MAGI2: variants seen among roughly 807,000 people sequenced by gnomAD.
MAGI2 encodes the protein membrane-associated guanylate kinase, WW and PDZ domain-containing protein 2.
In MAGI2, 35 loss-of-function variants were observed where a neutral mutation model predicts 133.3. The observed-to-expected ratio is 0.26, with a 90% CI of 0.20 to 0.35. The LOEUF is 0.35. Among genes scored for constraint, MAGI2 ranks in the 10% least tolerant of loss-of-function variants. The pLI, the probability that MAGI2 is intolerant of heterozygous loss-of-function variation, is 1.00. For synonymous variants in MAGI2, 729 were observed against 710.6 expected (o/e 1.03, Z -0.41); for missense variants, 1,636 against 1,863.4 (o/e 0.88, Z 2.25).
intron 1 of MAGI2, among the ~76,000 whole-genome samples, chr7:79,396,729 CA>C (rs1190021191): frequency 6.6e-6 from 1 of 152,074 alleles, no homozygotes; most frequent in African/African-American, 2.4e-5. Flanking sequence ...AATTCATGGG[CA>C]GACTGTGGAA....
chr7:78,072,151 G>T (rs1455890491), intron 21 of MAGI2, among the ~76,000 whole-genome samples: 1 of 152,190 alleles, frequency 6.6e-6, no homozygotes, highest in Non-Finnish European at 1.5e-5. Context: ...TTCAGACAAG[G>T]TCTCAGTAGA....
At chr7:79,215,224 A>C (rs957748151) in intron 1 of MAGI2, among the ~76,000 whole-genome samples, 11 of 152,004 alleles carry the variant, frequency 7.2e-5, no homozygotes, top group African/African-American at 2.7e-4. Flanking sequence ...TTGCAGCAAT[A>C]AGATACATCA....
chr7:78,719,776 C>G (rs1435987643), intron 2 of MAGI2, among the ~76,000 whole-genome samples: 2 of 152,166 alleles, frequency 1.3e-5, no homozygotes, highest in Non-Finnish European at 1.5e-5. Flanking sequence ...GACTTACTCT[C>G]CAAACATACC....
rs531335737 is a variant in MAGI2, at chr7:78,897,431, C to A, written c.418+109659G>T. ...CAACAGTGTCAGAGGCAGTGGTGTG[C>A]TAGAGTCAGCTGAAAATGGCTTTCA... On this transcript the variant is annotated intron_variant, in intron 2 of 21. Transcript: ENST00000354212. Among the ~76,000 whole-genome samples, 4 of 152,214 alleles carry A rather than the reference C, an allele frequency of 2.6e-5. No homozygotes were observed. The East Asian group carries it at 7.7e-4, about 29-fold the overall frequency.
chr7:78,126,931 G>A (rs1345637786), intron 19 of MAGI2, among the ~76,000 whole-genome samples: 1 of 152,134 alleles, frequency 6.6e-6, no homozygotes, highest in Admixed American at 6.5e-5. Flanking sequence ...TATTAGCAGG[G>A]ATTAGTTTAT....
chr7:79,085,540 TA>T (rs1351272830), intron 1 of MAGI2, among the ~76,000 whole-genome samples: 14 of 151,938 alleles, frequency 9.2e-5, no homozygotes, highest in African/African-American at 3.1e-4. Flanking sequence ...CATGCTTTCC[TA>T]TTTTTTTGCA....
chr7:78,769,819 C>T (rs1026258046), intron 2 of MAGI2, among the ~76,000 whole-genome samples: 5 of 152,160 alleles, frequency 3.3e-5, no homozygotes, highest in African/African-American at 1.2e-4. Flanking sequence ...CTCCGAGCAT[C>T]TTCTTGTTAT....
chr7:78,735,351 G>A (rs1196632131), intron 2 of MAGI2, among the ~76,000 whole-genome samples: 14 of 152,118 alleles, frequency 9.2e-5, no homozygotes, highest in Admixed American at 9.2e-4. Context: ...CTTCCCAGAA[G>A]TTTTATGTCC....
chr7:79,171,392 T>C (rs1377728037), intron 1 of MAGI2, among the ~76,000 whole-genome samples: 2 of 152,020 alleles, frequency 1.3e-5, no homozygotes, highest in African/African-American at 2.4e-5. Flanking sequence ...TAACTCATCT[T>C]AAATAATTAT....
intron 16 of MAGI2, among the ~76,000 whole-genome samples, chr7:78,155,001 T>C (rs978360466): frequency 6.6e-6 from 1 of 152,200 alleles, no homozygotes; most frequent in African/African-American, 2.4e-5. Context: ...TGAAAACAGT[T>C]AGTCAATGGC....
At chr7:79,208,360 C>A (rs1406434275) in intron 1 of MAGI2, among the ~76,000 whole-genome samples, 1 of 151,570 alleles carries the variant, frequency 6.6e-6, no homozygotes, top group African/African-American at 2.4e-5. Context: ...AAACAAAAAA[C>A]CAATTACAGA....
At chr7:79,436,693 A>G (rs577289486) in intron 1 of MAGI2, among the ~76,000 whole-genome samples, 1 of 152,306 alleles carries the variant, frequency 6.6e-6, no homozygotes, top group East Asian at 1.9e-4. Context: ...AAGTCAAAAA[A>G]TAACAGATGC....
chr7:78,776,734 C>T (rs907776859), intron 2 of MAGI2, among the ~76,000 whole-genome samples: 13 of 152,158 alleles, frequency 8.5e-5, no homozygotes, highest in Non-Finnish European at 1.6e-4. Flanking sequence ...AATACTACAT[C>T]TTATCTGACA....
At chr7:78,867,780 CTG>C (rs1220058284) in intron 2 of MAGI2, among the ~76,000 whole-genome samples, 1 of 152,008 alleles carries the variant, frequency 6.6e-6, no homozygotes, top group Non-Finnish European at 1.5e-5. Context: ...CAACAATAGA[CTG>C]TAACATAAGA....
At chr7:78,509,809 GAC>G (rs2150552802) in intron 4 of MAGI2, among the ~76,000 whole-genome samples, 1 of 152,270 alleles carries the variant, frequency 6.6e-6, no homozygotes, top group South Asian at 2.1e-4. Flanking sequence ...ATTTTCATGT[GAC>G]ACAGTCTATG....
chr7:78,859,596 T>C (rs1283647053), intron 2 of MAGI2, among the ~76,000 whole-genome samples: 2 of 152,256 alleles, frequency 1.3e-5, no homozygotes, highest in Non-Finnish European at 2.9e-5. Context: ...GTAGAGTTTC[T>C]GCTGAGAGAT....
intron 1 of MAGI2, among the ~76,000 whole-genome samples, chr7:79,127,970 T>C (rs574935590): frequency 4.6e-5 from 7 of 152,156 alleles, no homozygotes; most frequent in Non-Finnish European, 1.0e-4. Flanking sequence ...TTGAATTAAT[T>C]TTTGTATAAG....
chr7:79,303,810 T>C (rs1389109776), intron 1 of MAGI2, among the ~76,000 whole-genome samples: 1 of 152,188 alleles, frequency 6.6e-6, no homozygotes, highest in African/African-American at 2.4e-5. Context: ...ATTAATATAA[T>C]TAGGAACGAC....
chr7:78,855,193 A>G (rs1336914666), intron 2 of MAGI2, among the ~76,000 whole-genome samples: 1 of 152,106 alleles, frequency 6.6e-6, no homozygotes, highest in African/African-American at 2.4e-5. Context: ...GGCTCAAGCC[A>G]TCCTACCACC....
Sources: gnomAD v4.1 joint callset for allele counts (sites outside exome capture counted in the v4.1 genomes callset) on GRCh38, gnomAD v4.1.1 for gene constraint, MANE v1.5 for transcripts, NCBI Gene and HGNC (gene_info 2026-07-23, HGNC 2026-07-21) for gene names.